Variants in MFHAS1 observed in about 807,000 individuals in gnomAD.
The protein encoded by MFHAS1 is multifunctional ROCO family signaling regulator 1, also known as malignant fibrous histiocytoma-amplified sequence 1.
Under a neutral mutation model 70.4 loss-of-function variants are expected in MFHAS1, and 50 were observed. The observed-to-expected ratio is 0.71, with a 90% CI of 0.57 to 0.90. The LOEUF (loss-of-function observed/expected upper bound fraction) is 0.90, where lower values mean the gene tolerates loss of function less well. MFHAS1 is among the 40% of genes least tolerant of loss of function. The probability of loss-of-function intolerance (pLI) is 0.00; values close to 1 mark genes in which losing one functional copy is unlikely to be tolerated. For synonymous variants in MFHAS1, 952 were observed against 620.0 expected (o/e 1.54, Z -7.96); for missense variants, 1,795 against 1,347.6 (o/e 1.33, Z -5.20).
intron 1 of MFHAS1, among the ~76,000 whole-genome samples, chr8:8,838,558 A>T (rs1807689908): frequency 6.6e-6 from 1 of 152,200 alleles, no homozygotes; most frequent in Non-Finnish European, 1.5e-5. Flanking sequence ...CATGCCTGTA[A>T]TCCCAGCACT....
intron 1 of MFHAS1, among the ~76,000 whole-genome samples, chr8:8,887,256 A>C (rs1322731373): frequency 6.6e-6 from 1 of 152,196 alleles, no homozygotes; most frequent in Non-Finnish European, 1.5e-5. Context: ...TGTATGCTCT[A>C]CTTAAACACT....
At chr8:8,800,809 C>T (rs1021544261) in intron 1 of MFHAS1, among the ~76,000 whole-genome samples, 3 of 152,186 alleles carry the variant, frequency 2.0e-5, no homozygotes, top group African/African-American at 7.2e-5. Context: ...AGAATAACAA[C>T]AGCAGATGCC....
intron 1 of MFHAS1, among the ~76,000 whole-genome samples, chr8:8,832,425 T>TCACACACACA (rs35913215): frequency 7.9e-4 from 113 of 143,700 alleles, no homozygotes; most frequent in African/African-American, 1.3e-3. Flanking sequence ...ACAAGATACT[T>TCACACACACA]CACACACACA....
chr8:8,881,829 A>C (rs980209130), intron 1 of MFHAS1, among the ~76,000 whole-genome samples: 1 of 151,734 alleles, frequency 6.6e-6, no homozygotes, highest in African/African-American at 2.4e-5. Flanking sequence ...AAAAAAAAAA[A>C]AAAAAGAAAG....
Position 8,891,157 on chromosome 8 carries a change from G to T in MFHAS1, c.1902C>A (p.His634Gln). ...GCAACTTGTCCCGAAGGCGTCGTAA[G>T]TGGCGCGGGTCCCTGCAGCTAACAG... ...VLPVSCRDPR[H>Q]LRRLRDKLLS... Residue 634 changes from histidine (H) to glutamine (Q), a missense_variant, in exon 1 of 3, where the codon CAC becomes CAA. His to Gln is a conservative substitution (Grantham distance 24). Coordinates refer to ENST00000276282, the MANE Select transcript of MFHAS1 (RefSeq NM_004225.3). The surrounding 1 kb of genome is among the most constrained non-coding windows in gnomAD (Gnocchi z 5.4). The T allele has an allele frequency of 1.2e-6, 2 of 1,613,592 alleles. No individual in the cohort carries two copies. The highest frequency in any genetic ancestry group is 1.1e-5 in the South Asian group (1 of 91,088).
intron 1 of MFHAS1, among the ~76,000 whole-genome samples, chr8:8,808,072 T>C (rs1806398121): frequency 6.6e-6 from 1 of 152,162 alleles, no homozygotes; most frequent in Non-Finnish European, 1.5e-5. Flanking sequence ...TCCAGCTCCA[T>C]ACCCCCCAGC....
rs1027968 is a variant in MFHAS1, at chr8:8,861,252, T to C, written c.2998+28809A>G. Reference sequence around the variant, plus strand: ...AATCCTTGAAACTTCACAATCGAGATGTGACCATTGCCAAGTCTTTCCAAT... The same window carrying C: ...AATCCTTGAAACTTCACAATCGAGACGTGACCATTGCCAAGTCTTTCCAAT... On this transcript the variant is annotated intron_variant, in intron 1 of 2. Transcript: ENST00000276282. Among the ~76,000 whole-genome samples the C allele has an allele frequency of 2.4e-3, 366 of 152,332 alleles. 1 individual carries two copies. Among genetic ancestry groups the C allele is most frequent in the African/African-American group, 8.5e-3 (354 of 41,570 alleles).
intron 1 of MFHAS1, among the ~76,000 whole-genome samples, chr8:8,884,073 C>CACAT (rs1809652100): frequency 8.8e-6 from 1 of 113,128 alleles, no homozygotes; most frequent in South Asian, 2.5e-4. Context: ...CACACACACA[C>CACAT]ACACACACAA....
At chr8:8,870,684 C>T (rs1407344840) in intron 1 of MFHAS1, among the ~76,000 whole-genome samples, 1 of 152,100 alleles carries the variant, frequency 6.6e-6, no homozygotes, top group Admixed American at 6.5e-5. Context: ...ATCCCGCAGG[C>T]CTCTCCGAGC....
chr8:8,794,523 C>T (rs1805828450), intron 2 of MFHAS1, among the ~76,000 whole-genome samples: 1 of 152,158 alleles, frequency 6.6e-6, no homozygotes, highest in Admixed American at 6.5e-5. Flanking sequence ...GGTGGGGGAA[C>T]ACTGGGCAGC....
At chr8:8,812,643 C>A (rs887940065) in intron 1 of MFHAS1, among the ~76,000 whole-genome samples, 11 of 152,170 alleles carry the variant, frequency 7.2e-5, no homozygotes, top group African/African-American at 2.2e-4. Flanking sequence ...TCCTGTGACA[C>A]TGTCTTGGCG....
chr8:8,809,052 C>A (rs1304736492), intron 1 of MFHAS1, among the ~76,000 whole-genome samples: 1 of 152,102 alleles, frequency 6.6e-6, no homozygotes, highest in Non-Finnish European at 1.5e-5. Context: ...TGGGCAAACC[C>A]TACTGTGAAC....
At chr8:8,881,004 G>A (rs1809501089) in intron 1 of MFHAS1, among the ~76,000 whole-genome samples, 1 of 152,092 alleles carries the variant, frequency 6.6e-6, no homozygotes, top group Non-Finnish European at 1.5e-5. Context: ...TAAGATGGGT[G>A]AAACAGGCTC....
chr8:8,879,338 G>C (rs539001888), intron 1 of MFHAS1, among the ~76,000 whole-genome samples: 7 of 151,914 alleles, frequency 4.6e-5, no homozygotes, highest in African/African-American at 1.4e-4. Context: ...GTGGCAGAGA[G>C]AGACTCCCAT....
chr8:8,788,499 CA>C (rs1438235910), intron 2 of MFHAS1, among the ~76,000 whole-genome samples: 1 of 152,096 alleles, frequency 6.6e-6, no homozygotes, highest in Non-Finnish European at 1.5e-5. Flanking sequence ...GCCAACATGG[CA>C]AAACCCTGTC....
intron 1 of MFHAS1, among the ~76,000 whole-genome samples, chr8:8,844,521 G>T (rs754892676): frequency 3.9e-4 from 60 of 152,294 alleles, no homozygotes; most frequent in Admixed American, 1.2e-3. Context: ...TATCTGAAAA[G>T]ATCTAAAAAT....
At chr8:8,880,096 G>C (rs542562505) in intron 1 of MFHAS1, among the ~76,000 whole-genome samples, 6 of 152,214 alleles carry the variant, frequency 3.9e-5, no homozygotes, top group South Asian at 4.2e-4. Flanking sequence ...CAGGAGGCTT[G>C]GATGCCCTCC....
intron 1 of MFHAS1, among the ~76,000 whole-genome samples, chr8:8,816,788 A>T (rs909376374): frequency 6.6e-6 from 1 of 152,230 alleles, no homozygotes; most frequent in African/African-American, 2.4e-5. Flanking sequence ...ACTTTGAAGG[A>T]GTAGCAATAA....
At chr8:8,880,684 G>GTT (rs869117025) in intron 1 of MFHAS1, among the ~76,000 whole-genome samples, 1 of 114,868 alleles carries the variant, frequency 8.7e-6, no homozygotes, top group Non-Finnish European at 1.7e-5. Flanking sequence ...TTCCTTTTTT[G>GTT]TTTTTTTTTT....
Sources: gnomAD v4.1 joint callset for allele counts (sites outside exome capture counted in the v4.1 genomes callset) on GRCh38, gnomAD v4.1.1 for gene constraint, Gnocchi (gnomAD v3.1) non-coding constraint, MANE v1.5 for transcripts, NCBI Gene and HGNC (gene_info 2026-07-23, HGNC 2026-07-21) for gene names.